The following PTH2R variants were observed in gnomAD, a reference collection of about 807,000 sequenced individuals.
PTH2R encodes PTH2 receptor.
A neutral mutation model predicts 60.3 loss-of-function variants in PTH2R; 59 were observed. The observed-to-expected ratio is 0.98, with a 90% CI of 0.79 to 1.22. The LOEUF (loss-of-function observed/expected upper bound fraction) is 1.22. Among genes scored for constraint, PTH2R ranks in the 50% most tolerant of loss-of-function variants. The probability of loss-of-function intolerance (pLI) is 0.00; values close to 1 mark genes in which losing one functional copy is unlikely to be tolerated. For missense variants in PTH2R, 749 were observed against 682.6 expected (o/e 1.10, Z -1.08); for synonymous variants, 256 against 243.8 (o/e 1.05, Z -0.47).
intron 7 of PTH2R, among the ~76,000 whole-genome samples, chr2:208,447,790 A>G (rs1009004886): frequency 1.2e-4 from 19 of 152,128 alleles, no homozygotes; most frequent in Middle Eastern, 3.4e-3. Context: ...AATACTAATG[A>G]TAACTGTTTC....
At position 208,444,845 on chromosome 2, in the gene PTH2R, T is replaced by C. The variant is rs778092737; in HGVS notation, c.811T>C (p.Ser271Pro). ...LHNLIFVAFF[S>P]DTKYLWGFIL... The stretch of plus-strand genomic sequence containing the variant: ...TAATCTCATCTTTGTGGCTTTCTTT[T>C]CGGACACCAAATACCTGTGGGGCTT... The change falls in exon 7 of 13, where the codon TCG becomes CCG. Residue 271 changes from serine (S) to proline (P), a missense_variant. Physicochemically the swap from Ser to Pro is moderately conservative, Grantham distance 74 (BLOSUM62 -1). Transcript: ENST00000272847. 8.1e-6 allele frequency: 13 copies of C among 1,613,856 alleles called. No individual in the cohort carries two copies. Among genetic ancestry groups the C allele is most frequent in the African/African-American group, 1.3e-5 (1 of 74,922 alleles).
chr2:208,390,510 G>A (rs1310390573), intron 1 of PTH2R, among the ~76,000 whole-genome samples: 1 of 152,160 alleles, frequency 6.6e-6, no homozygotes, highest in Non-Finnish European at 1.5e-5. Flanking sequence ...TGTACAAATG[G>A]GCCATGGTGG....
At position 208,477,752 on chromosome 2, in the gene PTH2R, T is replaced by A. The variant is rs535812661; in HGVS notation, c.982-3318T>A. 1.1e-4 allele frequency among the ~76,000 whole-genome samples: 17 copies of A among 151,820 alleles called. No homozygotes were observed. The South Asian group carries it at 2.1e-3, about 19-fold the overall frequency. On this transcript the variant is annotated intron_variant, in intron 9 of 12. Coordinates refer to ENST00000272847, the MANE Select transcript of PTH2R (RefSeq NM_005048.4). Reference sequence around the variant, plus strand: ...TTATTCTAAGCCATCTCTCTTTTTTTAAATTTCTTTGCTTTGTTTTGTCTG... The same window carrying A: ...TTATTCTAAGCCATCTCTCTTTTTTAAAATTTCTTTGCTTTGTTTTGTCTG...
In PTH2R at chr2:208,417,541, CTTTTTTTT is replaced by C. The variant is rs56354728; in HGVS notation, c.75+10445_75+10452del. On this transcript the variant is annotated intron_variant, in intron 1 of 12. Coordinates refer to ENST00000272847, the MANE Select transcript of PTH2R (RefSeq NM_005048.4). ...AGAAGTACTGTTCAAAGGTGGGAAT[CTTTTTTTT>C]TTTTTTTTTTTTTTTTTTTTTGTGA... 4.6e-5 allele frequency among the ~76,000 whole-genome samples: 4 copies of C among 87,910 alleles called. No homozygotes were observed. The South Asian group carries it at 1.9e-3, about 41-fold the overall frequency. The allele number at this position is 87,910 out of a possible 152,430, so 57.7% of individuals were successfully genotyped here. A position where few individuals can be genotyped will look rare whatever the true frequency, so the allele number is the denominator to read the frequency against.
intron 1 of PTH2R, among the ~76,000 whole-genome samples, chr2:208,383,298 G>A (rs534091522): frequency 3.4e-4 from 52 of 152,224 alleles, no homozygotes; most frequent in African/African-American, 1.3e-3. Flanking sequence ...GTTTGTTAAG[G>A]GGCCTGGATG....
chr2:208,404,485 A>T (rs896421433), upstream of PTH2R, among the ~76,000 whole-genome samples: 5 of 152,230 alleles, frequency 3.3e-5, no homozygotes, highest in African/African-American at 1.2e-4. Context: ...TAATAATTAT[A>T]AATGGAATGT....
intron 7 of PTH2R, among the ~76,000 whole-genome samples, chr2:208,447,270 T>C (rs1023269079): frequency 5.3e-5 from 8 of 151,784 alleles, no homozygotes; most frequent in African/African-American, 1.9e-4. Context: ...CCATGTGCAA[T>C]CTGATTATGA....
intron 1 of PTH2R, among the ~76,000 whole-genome samples, chr2:208,361,589 CT>C (rs1700474842): frequency 6.6e-6 from 1 of 152,288 alleles, no homozygotes; most frequent in East Asian, 1.9e-4. Context: ...AATAACTCCT[CT>C]TTCCCCCTAC....
At chr2:208,474,417 A>G (rs1702954128) in intron 9 of PTH2R, among the ~76,000 whole-genome samples, 1 of 152,200 alleles carries the variant, frequency 6.6e-6, no homozygotes, top group African/African-American at 2.4e-5. Flanking sequence ...GACAACACCA[A>G]ACTCTGTCTG....
At chr2:208,365,956 A>ATT (rs1700581027) in intron 1 of PTH2R, among the ~76,000 whole-genome samples, 1 of 19,440 alleles carries the variant, frequency 5.1e-5, no homozygotes, top group Non-Finnish European at 8.7e-5. Flanking sequence ...ATATATATAT[A>ATT]TATATTTTTT....
exon 1 of PTH2R, chr2:208,360,008 G>C (rs1338161812): frequency 6.1e-6 from 2 of 328,694 alleles, no homozygotes; most frequent in Non-Finnish European, 1.2e-5. Context: ...CTGCTCTCCA[G>C]TCCCTATCCA....
At chr2:208,443,202 T>C in intron 5 of PTH2R, 146 bp from the exon 6 acceptor site, 1 of 581,716 alleles carries the variant, frequency 1.7e-6, no homozygotes. Flanking sequence ...GACTTGAGTA[T>C]CTGCAGATTT....
Position 208,389,227 on chromosome 2 carries a change from T to TACACACACACAC in PTH2R, c.-259+29020_-259+29031dup, listed in dbSNP as rs71041306. ...TGATGATACATTAAAAGGAAATGCA[T>TACACACACACAC]ACACACACACACACACACACACACA... On this transcript the variant is annotated intron_variant, in intron 1 of 12. Coordinates refer to the PTH2R transcript ENST00000617735. 9.9e-4 allele frequency among the ~76,000 whole-genome samples: 141 copies of TACACACACACAC among 142,644 alleles called. 1 individual carries two copies. The highest frequency in any genetic ancestry group is 3.4e-3 in the African/African-American group (131 of 38,718). The allele number at this position is 142,644 out of a possible 152,430, so 93.6% of individuals were successfully genotyped here. A position where few individuals can be genotyped will look rare whatever the true frequency, so the allele number is the denominator to read the frequency against.
intron 9 of PTH2R, among the ~76,000 whole-genome samples, chr2:208,464,005 A>G (rs558114672): frequency 1.1e-4 from 17 of 152,344 alleles, no homozygotes; most frequent in Non-Finnish European, 2.2e-4. Context: ...TCTACCCAAA[A>G]TGGTATAATT....
upstream of PTH2R, among the ~76,000 whole-genome samples, chr2:208,404,340 A>C (rs1227310527): frequency 6.6e-6 from 1 of 152,188 alleles, no homozygotes; most frequent in African/African-American, 2.4e-5. Context: ...ATCTTGACTG[A>C]GGTGGGCCTT....
chr2:208,411,943 GAGTTA>G (rs1201084921), intron 1 of PTH2R, among the ~76,000 whole-genome samples: 8 of 152,144 alleles, frequency 5.3e-5, no homozygotes, highest in African/African-American at 1.7e-4. Context: ...ATTAGCAGAT[GAGTTA>G]AGTTATTTTT....
intron 7 of PTH2R, among the ~76,000 whole-genome samples, chr2:208,445,473 G>A (rs775617571): frequency 2.0e-5 from 3 of 152,096 alleles, no homozygotes; most frequent in Non-Finnish European, 4.4e-5. Flanking sequence ...AGTACAAGGG[G>A]GATTACTGGA....
chr2:208,480,533 T>G (rs941155385), intron 9 of PTH2R, among the ~76,000 whole-genome samples: 1 of 152,140 alleles, frequency 6.6e-6, no homozygotes. Flanking sequence ...TTCACACTTA[T>G]AACATTCAAA....
chr2:208,460,015 T>A, intron 9 of PTH2R, 54 bp downstream of exon 9: 1 of 1,471,132 alleles, frequency 6.8e-7, no homozygotes, highest in Non-Finnish European at 9.5e-7. Flanking sequence ...AACCTGCTGC[T>A]AAAACCCAGA....
Sources: allele counts gnomAD v4.1 joint callset (sites outside exome capture counted in the v4.1 genomes callset), GRCh38; gene constraint gnomAD v4.1.1; transcripts MANE v1.5; gene names NCBI Gene and HGNC (gene_info 2026-07-23, HGNC 2026-07-21).